Variants in IHO1 observed in about 807,000 individuals in gnomAD.
IHO1 encodes interactor of HORMAD1 1.
IHO1 carries 13 observed loss-of-function variants against 31.0 expected under a neutral mutation model. The ratio of observed to expected loss-of-function variants is 0.42; its 90% CI spans 0.27 to 0.67. IHO1 has a LOEUF of 0.67. Ranked by LOEUF, IHO1 falls within the 30% of genes least tolerant of loss-of-function variation. The pLI is 0.24. For missense variants in IHO1, 599 were observed against 687.5 expected (o/e 0.87, Z 1.44); for synonymous variants, 221 against 248.4 (o/e 0.89, Z 1.04).
chr3:49,212,731 T>C (rs553029662), intron 2 of IHO1, among the ~76,000 whole-genome samples: 1 of 152,202 alleles, frequency 6.6e-6, no homozygotes, highest in East Asian at 1.9e-4. Flanking sequence ...TTTGGGGTCT[T>C]GCTGGCTCAG....
chr3:49,215,783 A>G (rs186470522), intron 2 of IHO1, among the ~76,000 whole-genome samples: 2 of 152,324 alleles, frequency 1.3e-5, no homozygotes, highest in East Asian at 3.9e-4. Context: ...TAGTGCAGTG[A>G]TCTGGTGAGT....
chr3:49,256,442 T>C lies in IHO1; in HGVS notation c.945T>C (p.Pro315=). ...ATCCTGGTATGGGCTCCCTACAGCC[T>C]GGAGAATTTGATGTCTGGGGTGAAG... ...AWNPGMGSLQ[P]GEFDVWGEGA... Residue 315 remains proline (P), a synonymous_variant, in exon 8 of 8, where the codon CCT becomes CCC. Transcript: ENST00000452691. This position sits in a 1 kb window ranked among gnomAD's most constrained non-coding sequence, Gnocchi z 4.6. 1 of 1,614,150 alleles carries C rather than the reference T, an allele frequency of 6.2e-7. No individual in the cohort carries two copies. The highest frequency in any genetic ancestry group is 1.3e-5 in the African/African-American group (1 of 75,024).
At chr3:49,213,475 C>T (rs541309360) in intron 2 of IHO1, among the ~76,000 whole-genome samples, 3 of 152,378 alleles carry the variant, frequency 2.0e-5, no homozygotes, top group African/African-American at 7.2e-5. Context: ...GCTGGCTTCA[C>T]CTAGTGGATC....
At chr3:49,227,089 A>G (rs1295058278) in intron 2 of IHO1, among the ~76,000 whole-genome samples, 7 of 152,190 alleles carry the variant, frequency 4.6e-5, no homozygotes, top group Admixed American at 4.6e-4. Flanking sequence ...TGTAAATTGC[A>G]AGCTTTGCAT....
intron 2 of IHO1, among the ~76,000 whole-genome samples, chr3:49,228,071 A>G (rs764328136): frequency 3.9e-5 from 6 of 152,200 alleles, no homozygotes; most frequent in Non-Finnish European, 8.8e-5. Flanking sequence ...AAGCAGGACT[A>G]GCCTCGGAGA....
chr3:49,217,007 G>A (rs2046295046), intron 2 of IHO1, among the ~76,000 whole-genome samples: 1 of 152,218 alleles, frequency 6.6e-6, no homozygotes, highest in Non-Finnish European at 1.5e-5. Context: ...TGGAGAGGAT[G>A]TGGAGAAATA....
intron 6 of IHO1, among the ~76,000 whole-genome samples, chr3:49,251,088 G>A (rs902140435): frequency 1.3e-5 from 2 of 151,690 alleles, no homozygotes; most frequent in Admixed American, 6.6e-5. Flanking sequence ...CCATTTTCAC[G>A]TCTCAATATA....
intron 2 of IHO1, among the ~76,000 whole-genome samples, chr3:49,234,717 C>A (rs1163510179): frequency 1.3e-5 from 2 of 152,164 alleles, no homozygotes; most frequent in African/African-American, 4.8e-5. Context: ...CTGCTCTGTT[C>A]CTTCCCTGTA....
rs1219514585 is a variant in IHO1 at position 49,257,046 on chromosome 3, G to A, written c.1549G>A (p.Gly517Arg). 9.3e-6 allele frequency: 15 copies of A among 1,614,074 alleles called. No individual in the cohort carries two copies. The highest frequency in any genetic ancestry group is 1.1e-5 in the Non-Finnish European group (13 of 1,180,050). The change falls in exon 8 of 8, where the codon GGA becomes AGA. Residue 517 changes from glycine to arginine, a missense_variant. Transcript: ENST00000452691. ...SPRKPVCPILGGTVMPNKTVR... is the reference protein window; with the variant it reads ...SPRKPVCPILRGTVMPNKTVR... ...CAGAAAACCAGTCTGCCCTATTCTG[G>A]GAGGAACAGTCATGCCCAATAAGAC...
At chr3:49,241,028 T>C (rs907287140) in intron 3 of IHO1, among the ~76,000 whole-genome samples, 198 bp from the exon 4 acceptor site, 1 of 152,228 alleles carries the variant, frequency 6.6e-6, no homozygotes, top group African/African-American at 2.4e-5. Context: ...AAGGCAAAAA[T>C]CTATATTAAT....
intron 1 of IHO1, among the ~76,000 whole-genome samples, chr3:49,208,559 C>T (rs2046170540): frequency 6.6e-6 from 1 of 152,120 alleles, no homozygotes; most frequent in South Asian, 2.1e-4. Flanking sequence ...GTCCCTGGTG[C>T]CAAAAAGGTT....
chr3:49,193,911 G>A (rs1349270053), upstream of IHO1, among the ~76,000 whole-genome samples: 4 of 150,754 alleles, frequency 2.7e-5, no homozygotes, highest in South Asian at 2.1e-4. Context: ...GCAGTGAGCC[G>A]AGATTGTGCC....
Position 49,256,863 on chromosome 3 carries a change from C to T in IHO1, c.1366C>T (p.Leu456Phe), listed in dbSNP as rs1184609999. Residue 456 changes from leucine to phenylalanine, a missense_variant, in exon 8 of 8, where the codon CTC becomes TTC. Transcript: ENST00000452691. This position sits in a 1 kb window ranked among gnomAD's most constrained non-coding sequence, Gnocchi z 4.6. ...RKAHRAHRGR[L>F]IASKQKQIPI... ...GGCCCACAGGGCCCACAGAGGCAGG[C>T]TCATAGCCAGCAAGCAAAAACAAAT... 2 of 1,614,094 alleles carry T rather than the reference C, an allele frequency of 1.2e-6. No homozygotes were observed. Among genetic ancestry groups the T allele is most frequent in the African/African-American group, 2.7e-5 (2 of 74,932 alleles).
chr3:49,220,997 A>ATTTGGGCAG (rs2046348904), intron 2 of IHO1, among the ~76,000 whole-genome samples: 1 of 152,220 alleles, frequency 6.6e-6, no homozygotes, highest in Non-Finnish European at 1.5e-5. Flanking sequence ...TTATTCCATA[A>ATTTGGGCAG]TTTGGCCCTG....
intron 6 of IHO1, among the ~76,000 whole-genome samples, chr3:49,252,446 T>C (rs1335583999): frequency 6.6e-6 from 1 of 151,800 alleles, no homozygotes; most frequent in Admixed American, 6.6e-5. Flanking sequence ...TGAGATAGGT[T>C]CTCCCTCTGT....
At chr3:49,200,614 T>A (rs1432883643) in intron 1 of IHO1, 2 of 980,678 alleles carry the variant, frequency 2.0e-6, no homozygotes, top group Non-Finnish European at 2.4e-6. Flanking sequence ...TGTTCCTCCC[T>A]TGTGTACCCA....
At chr3:49,227,765 G>T (rs2046433596) in intron 2 of IHO1, among the ~76,000 whole-genome samples, 2 of 152,158 alleles carry the variant, frequency 1.3e-5, no homozygotes, top group Admixed American at 1.3e-4. Flanking sequence ...AGGGAGGGGA[G>T]GGATCTCCAG....
chr3:49,257,151 CA>C lies in IHO1; in HGVS notation c.1655del (p.Gln552ArgfsTer6), dbSNP rs747086454. On this transcript the variant is annotated frameshift_variant, in exon 8 of 8. Coordinates refer to ENST00000452691, the MANE Select transcript of IHO1 (RefSeq NM_001135197.2). LOFTEE classifies it low-confidence loss of function (END_TRUNC). ...QDNWLLSSSS[Q>X]GDHQMSWFSD... Reference sequence around the variant, plus strand: ...CAACTGGCTACTTTCCAGCAGTTCCCAGGGGGACCACCAGATGAGCTGGTTC... The same window carrying C: ...CAACTGGCTACTTTCCAGCAGTTCCCGGGGGACCACCAGATGAGCTGGTTC... 6.2e-7 allele frequency: 1 copy of C among 1,614,140 alleles called. No homozygotes were observed. The highest frequency in any genetic ancestry group is 1.7e-5 in the Admixed American group (1 of 59,994).
upstream of IHO1, among the ~76,000 whole-genome samples, chr3:49,195,811 T>A (rs575994748): frequency 1.4e-3 from 212 of 147,408 alleles, no homozygotes; most frequent in Middle Eastern, 8.1e-3. Flanking sequence ...AGGATAGAAA[T>A]CACCTGGGGG....
Sources: gnomAD v4.1 joint callset for allele counts (sites outside exome capture counted in the v4.1 genomes callset) on GRCh38, gnomAD v4.1.1 for gene constraint, Gnocchi (gnomAD v3.1) non-coding constraint, MANE v1.5 for transcripts, NCBI Gene and HGNC (gene_info 2026-07-23, HGNC 2026-07-21) for gene names.